The following C12orf56 variants were observed in gnomAD, a reference collection of about 807,000 sequenced individuals.
C12orf56 encodes chromosome 12 open reading frame 56.
C12orf56 carries 71 observed loss-of-function variants against 69.9 expected under a neutral mutation model. That is an observed-to-expected ratio of 1.02 (90% CI 0.84 to 1.24). C12orf56 has a LOEUF of 1.24. Ranked by LOEUF, C12orf56 falls within the 50% of genes most tolerant of loss-of-function variation. The pLI is 0.00. For missense variants in C12orf56, 732 were observed against 738.5 expected, an observed-to-expected ratio of 0.99 and a Z score of 0.10; for synonymous variants, 276 against 274.1, an observed-to-expected ratio of 1.01 and a Z score of -0.07.
At chr12:64,374,576 CGCTGTCACCTAG>C (rs1213192617) in intron 1 of C12orf56, among the ~76,000 whole-genome samples, 83 of 150,496 alleles carry the variant, frequency 5.5e-4, no homozygotes, top group African/African-American at 1.8e-3. Context: ...GATGGAGTCT[CGCTGTCACCTAG>C]GCTGGAGTGC....
intron 1 of C12orf56, among the ~76,000 whole-genome samples, chr12:64,387,077 C>CAAAAAAAAAAAAAAAAAAAACAAAA (rs2039802917): frequency 2.4e-5 from 1 of 42,086 alleles, no homozygotes; most frequent in Non-Finnish European, 3.8e-5. Context: ...GACTCTATCT[C>CAAAAAAAAAAAAAAAAAAAACAAAA]AAAAAAAAAA....
chr12:64,337,847 A>C (rs1354814529), intron 2 of C12orf56, among the ~76,000 whole-genome samples: 2 of 127,368 alleles, frequency 1.6e-5, no homozygotes, highest in Non-Finnish European at 3.3e-5. Flanking sequence ...ACAGAGCAAA[A>C]TTCTGTCAAA....
At chr12:64,360,723 G>A (rs1454786168) in intron 1 of C12orf56, among the ~76,000 whole-genome samples, 1 of 152,138 alleles carries the variant, frequency 6.6e-6, no homozygotes, top group African/African-American at 2.4e-5. Flanking sequence ...GTTTATGAAA[G>A]TTGAAAGAAC....
intron 2 of C12orf56, among the ~76,000 whole-genome samples, chr12:64,351,036 G>A (rs1354569410): frequency 6.6e-6 from 1 of 152,132 alleles, no homozygotes; most frequent in African/African-American, 2.4e-5. Flanking sequence ...GAACCAACCA[G>A]CAACCTCTGG....
intron 1 of C12orf56, among the ~76,000 whole-genome samples, chr12:64,354,511 G>A (rs945900064): frequency 6.6e-6 from 1 of 151,930 alleles, no homozygotes; most frequent in Non-Finnish European, 1.5e-5. Flanking sequence ...ATGCTGGAGT[G>A]CAATGACATG....
Position 64,270,601 on chromosome 12 carries a change from C to G in C12orf56, c.1698G>C (p.Lys566Asn). The G allele has an allele frequency of 4.3e-6, 7 of 1,613,644 alleles. No homozygotes were observed. Among genetic ancestry groups the G allele is most frequent in the Non-Finnish European group, 5.9e-6 (7 of 1,179,762 alleles). ...GAGTCCTGCTGTGCCGCAGACAGCT[C>G]TTGAGGATGTAAAATTGCTGGTACA... is the stretch of plus-strand genomic sequence containing the variant. ...VLLYQQFYIL[K>N]SCLRHSRTLA... The change falls in exon 12 of 13, where the codon AAG (lysine) becomes AAC (asparagine). Residue 566 changes from lysine (K) to asparagine (N), a missense_variant. Coordinates refer to ENST00000543942, the MANE Select transcript of C12orf56 (RefSeq NM_001170633.2).
intron 2 of C12orf56, among the ~76,000 whole-genome samples, chr12:64,340,292 T>C (rs1454228969): frequency 6.6e-6 from 1 of 152,100 alleles, no homozygotes; most frequent in African/African-American, 2.4e-5. Flanking sequence ...TGGGTCTGCC[T>C]TCCCCAGCCC....
intron 11 of C12orf56, among the ~76,000 whole-genome samples, chr12:64,272,656 ATG>A: frequency 6.9e-6 from 1 of 145,534 alleles, no homozygotes; most frequent in Non-Finnish European, 1.5e-5. Flanking sequence ...ACATCAGTCC[ATG>A]TAATAGGGTC....
chr12:64,281,957 C>T (rs1435042626), intron 8 of C12orf56, among the ~76,000 whole-genome samples: 1 of 151,958 alleles, frequency 6.6e-6, no homozygotes, highest in Non-Finnish European at 1.5e-5. Flanking sequence ...AAAAGGATAA[C>T]CAGATTTAGT....
At chr12:64,360,270 C>T (rs886374927) in intron 1 of C12orf56, among the ~76,000 whole-genome samples, 1 of 151,224 alleles carries the variant, frequency 6.6e-6, no homozygotes, top group Admixed American at 6.6e-5. Context: ...ACTAAAAATA[C>T]AAAAATTAGC....
intron 3 of C12orf56, among the ~76,000 whole-genome samples, chr12:64,327,073 A>G (rs1474536161): frequency 6.6e-6 from 1 of 152,252 alleles, no homozygotes; most frequent in East Asian, 1.9e-4. Context: ...TGCTCTTGCC[A>G]TGTGATGTCC....
rs1472650595 is a variant in C12orf56, at chr12:64,265,394, A to G, written c.*1789T>C. 1 of 152,292 alleles carries G rather than the reference A, an allele frequency of 6.6e-6. No individual in the cohort carries two copies. Among genetic ancestry groups the G allele is most frequent in the African/African-American group, 2.4e-5 (1 of 41,466 alleles). The allele number at this position is 152,292 out of a possible 1,614,324, so 9.4% of individuals were successfully genotyped here. On this transcript the variant is annotated 3_prime_UTR_variant, in exon 13 of 13. Transcript: ENST00000543942. ...GAAAGGGAAACTTTGGGTAAAAAGAAAGGAGGATTACTTGAAGTTAGTGCA... is the reference window on the plus strand; with the variant it reads ...GAAAGGGAAACTTTGGGTAAAAAGAGAGGAGGATTACTTGAAGTTAGTGCA...
chr12:64,308,889 G>GAAGAAAGGAAGAAAGAAAGA (rs1555188182), intron 5 of C12orf56, among the ~76,000 whole-genome samples: 1 of 69,248 alleles, frequency 1.4e-5, no homozygotes, highest in African/African-American at 6.8e-5. Context: ...AAACAGAAAG[G>GAAGAAAGGAAGAAAGAAAGA]AAGAAAGAAA....
At chr12:64,352,099 G>GTTTTTTTTTTT (rs55762803) in intron 2 of C12orf56, among the ~76,000 whole-genome samples, 3 of 148,682 alleles carry the variant, frequency 2.0e-5, no homozygotes, top group African/African-American at 5.1e-5. Context: ...TTTTGTTTTT[G>GTTTTTTTTTTT]TTTTTTTTTT....
chr12:64,354,944 GGT>G (rs2039287873), intron 1 of C12orf56, among the ~76,000 whole-genome samples: 1 of 151,428 alleles, frequency 6.6e-6, no homozygotes, highest in African/African-American at 2.4e-5. Context: ...TGGGTGTGGT[GGT>G]GCATGCCTGT....
intron 1 of C12orf56, among the ~76,000 whole-genome samples, chr12:64,377,953 T>C (rs2039663456): frequency 2.6e-5 from 4 of 152,200 alleles, no homozygotes; most frequent in African/African-American, 9.6e-5. Context: ...CAAATTCTGG[T>C]TCTGCCACTT....
chr12:64,344,139 C>G (rs556567042), intron 2 of C12orf56, among the ~76,000 whole-genome samples: 1 of 152,312 alleles, frequency 6.6e-6, no homozygotes, highest in South Asian at 2.1e-4. Flanking sequence ...CTGATCATTT[C>G]CCTTTCCCAA....
At chr12:64,330,377 A>T (rs1015887075) in intron 3 of C12orf56, among the ~76,000 whole-genome samples, 1 of 151,880 alleles carries the variant, frequency 6.6e-6, no homozygotes, top group Non-Finnish European at 1.5e-5. Flanking sequence ...TTCTGCCTGG[A>T]TCTCCTCTCC....
At chr12:64,361,403 C>T (rs1012541295) in intron 1 of C12orf56, among the ~76,000 whole-genome samples, 6 of 152,044 alleles carry the variant, frequency 3.9e-5, no homozygotes, top group African/African-American at 1.4e-4. Context: ...TATAATAAGT[C>T]ACAGGATGAG....
Sources: allele counts gnomAD v4.1 joint callset (sites outside exome capture counted in the v4.1 genomes callset), GRCh38; gene constraint gnomAD v4.1.1; transcripts MANE v1.5; gene names NCBI Gene and HGNC (gene_info 2026-07-23, HGNC 2026-07-21).